Variants in PRKCA observed in about 807,000 individuals in gnomAD.
PRKCA encodes the protein protein kinase C alpha type.
PRKCA carries 27 observed loss-of-function variants against 87.0 expected under a neutral mutation model. The ratio of observed to expected loss-of-function variants is 0.31; its 90% CI spans 0.23 to 0.43. The LOEUF is 0.43. PRKCA is among the 20% of genes least tolerant of loss of function. PRKCA has a pLI of 1.00. For missense variants in PRKCA, 518 were observed against 852.3 expected (o/e 0.61, Z 4.88); for synonymous variants, 329 against 311.1 (o/e 1.06, Z -0.61).
chr17:66,652,847 C>G (rs1012724488), intron 5 of PRKCA, among the ~76,000 whole-genome samples: 7 of 152,256 alleles, frequency 4.6e-5, no homozygotes, highest in Non-Finnish European at 1.0e-4. Context: ...CCCTCTTACT[C>G]TATGACCCTC....
chr17:66,800,943 T>G (rs1975886288), intron 16 of PRKCA, among the ~76,000 whole-genome samples: 1 of 152,230 alleles, frequency 6.6e-6, no homozygotes, highest in South Asian at 2.1e-4. Context: ...TGATCTCTCA[T>G]TAAAGGAGCA....
rs1287965016 is a variant in PRKCA at position 66,579,866 on chromosome 17, G to A, written c.289-61489G>A. Among the ~76,000 whole-genome samples, 10 of 151,996 alleles carry A rather than the reference G, an allele frequency of 6.6e-5. No homozygotes were observed. The South Asian group carries it at 1.0e-3, about 16-fold the overall frequency. On this transcript the variant is annotated intron_variant, in intron 3 of 16. Coordinates refer to ENST00000413366, the MANE Select transcript of PRKCA (RefSeq NM_002737.3). ...GAGGCAGAGAGAGGAATTATACACC[G>A]AAGGTTAAAAAAAAAATCGGGGGTT... is the stretch of plus-strand genomic sequence containing the variant.
intron 3 of PRKCA, among the ~76,000 whole-genome samples, chr17:66,553,536 A>G (rs1968406175): frequency 6.6e-6 from 1 of 152,222 alleles, no homozygotes; most frequent in Non-Finnish European, 1.5e-5. Flanking sequence ...ACTTGCTTCT[A>G]ATGGATAGAA....
At chr17:66,799,097 G>A (rs1012850016) in intron 16 of PRKCA, among the ~76,000 whole-genome samples, 16 of 214 alleles carry the variant, frequency 0.075, no homozygotes, top group Admixed American at 0.12. Context: ...GGTGGTGGTG[G>A]TGGTGGTGAT....
intron 3 of PRKCA, among the ~76,000 whole-genome samples, chr17:66,594,450 C>G (rs1598801779): frequency 6.6e-6 from 1 of 152,080 alleles, no homozygotes; most frequent in African/African-American, 2.4e-5. Flanking sequence ...GATTGGTGAT[C>G]AGTTTCCAGC....
intron 2 of PRKCA, among the ~76,000 whole-genome samples, chr17:66,440,861 A>G (rs189447769): frequency 9.9e-5 from 15 of 152,134 alleles, no homozygotes; most frequent in Admixed American, 2.0e-4. Flanking sequence ...CCCCATCTCA[A>G]TGAAAAGTAA....
chr17:66,455,449 A>G (rs1233854803), intron 2 of PRKCA, among the ~76,000 whole-genome samples: 1 of 152,226 alleles, frequency 6.6e-6, no homozygotes. Flanking sequence ...TGGAGCTGCC[A>G]GGAAAATGAT....
intron 2 of PRKCA, among the ~76,000 whole-genome samples, chr17:66,392,009 T>A (rs1362451042): frequency 6.6e-6 from 1 of 152,078 alleles, no homozygotes; most frequent in East Asian, 1.9e-4. Flanking sequence ...GGCTGGCAGA[T>A]CACAGGGTCA....
intron 3 of PRKCA, among the ~76,000 whole-genome samples, chr17:66,503,914 A>C (rs1302739784): frequency 6.6e-6 from 1 of 152,172 alleles, no homozygotes; most frequent in Admixed American, 6.5e-5. Flanking sequence ...TTCTACCCCC[A>C]AAACATTTTT....
intron 2 of PRKCA, among the ~76,000 whole-genome samples, chr17:66,368,382 ATATATTTT>A (rs1908879942): frequency 4.9e-4 from 17 of 34,552 alleles, no homozygotes; most frequent in East Asian, 2.3e-3. Flanking sequence ...ATATATATAT[ATATATTTT>A]TTTTTTTTTT....
In PRKCA at chr17:66,788,499, C is replaced by CT. The variant is rs376744340; in HGVS notation, c.1714-330dup. 2.3e-3 allele frequency among the ~76,000 whole-genome samples: 346 copies of CT among 148,948 alleles called. 2 individuals are homozygous for CT. Among genetic ancestry groups the CT allele is most frequent in the African/African-American group, 7.8e-3 (317 of 40,712 alleles). On this transcript the variant is annotated intron_variant, in intron 15 of 16. Transcript: ENST00000413366. ...ACACACAATTTTTAGTGATTGCATG[C>CT]TTTTTTTTTTATTACTAGATACATG...
chr17:66,776,498 C>T (rs1333412774), intron 14 of PRKCA, among the ~76,000 whole-genome samples: 1 of 152,018 alleles, frequency 6.6e-6, no homozygotes, highest in African/African-American at 2.4e-5. Context: ...TTAGTAAAGA[C>T]GGGGTTTCAC....
chr17:66,761,534 G>GCA (rs1974685047), intron 13 of PRKCA, among the ~76,000 whole-genome samples: 1 of 151,470 alleles, frequency 6.6e-6, no homozygotes, highest in Admixed American at 6.6e-5. Context: ...TTGGCTCACT[G>GCA]CAACCTCTAC....
At chr17:66,371,066 A>G (rs946234244) in intron 2 of PRKCA, among the ~76,000 whole-genome samples, 2 of 152,210 alleles carry the variant, frequency 1.3e-5, no homozygotes, top group Non-Finnish European at 2.9e-5. Flanking sequence ...ATTATATCTG[A>G]TTATAGCATG....
Position 66,539,132 on chromosome 17 carries a change from G to A in PRKCA, c.288+42849G>A, listed in dbSNP as rs1967890485. 1.3e-5 allele frequency among the ~76,000 whole-genome samples: 2 copies of A among 152,188 alleles called. 1 individual carries two copies. The highest frequency in any genetic ancestry group is 1.3e-4 in the Admixed American group (2 of 15,286). On this transcript the variant is annotated intron_variant, in intron 3 of 16. Transcript: ENST00000413366. The stretch of plus-strand genomic sequence containing the variant: ...TTTTTTATTGGAGACTGAGTTTCAT[G>A]TGTAGACATCATTGTATTTCTGTGT...
chr17:66,713,048 C>CGTT (rs1973372097), intron 8 of PRKCA, among the ~76,000 whole-genome samples: 1 of 87,276 alleles, frequency 1.1e-5, no homozygotes, highest in Admixed American at 1.2e-4. Flanking sequence ...CCTTTGTTGT[C>CGTT]CTTTTTTTTT....
At chr17:66,728,950 CA>C (rs1342674551) in intron 8 of PRKCA, among the ~76,000 whole-genome samples, 1 of 152,232 alleles carries the variant, frequency 6.6e-6, no homozygotes, top group Non-Finnish European at 1.5e-5. Flanking sequence ...ATCAGCAAGT[CA>C]GTTGTGTTTG....
intron 2 of PRKCA, among the ~76,000 whole-genome samples, chr17:66,421,852 C>T (rs1385985707): frequency 6.6e-6 from 1 of 151,932 alleles, no homozygotes; most frequent in Non-Finnish European, 1.5e-5. Context: ...CTTGAAATTT[C>T]TTTTTCTCTA....
chr17:66,643,826 T>C (rs1257100274), intron 4 of PRKCA, among the ~76,000 whole-genome samples: 1 of 152,124 alleles, frequency 6.6e-6, no homozygotes, highest in Admixed American at 6.5e-5. Flanking sequence ...AGAGTTCCAC[T>C]TGGGATGGGG....
Sources: gnomAD v4.1 joint callset for allele counts (sites outside exome capture counted in the v4.1 genomes callset) on GRCh38, gnomAD v4.1.1 for gene constraint, MANE v1.5 for transcripts, NCBI Gene and HGNC (gene_info 2026-07-23, HGNC 2026-07-21) for gene names.